Variants in SLC35F4 observed in about 807,000 individuals in gnomAD.
SLC35F4 encodes solute carrier family 35 member F4.
In SLC35F4, 24 loss-of-function variants were observed where a neutral mutation model predicts 44.2. That is an observed-to-expected ratio of 0.54 (90% CI 0.39 to 0.76). The LOEUF (loss-of-function observed/expected upper bound fraction) is 0.76. SLC35F4 is among the 30% of genes least tolerant of loss of function. The pLI, the probability that SLC35F4 is intolerant of heterozygous loss-of-function variation, is 0.00. For synonymous variants in SLC35F4, 238 were observed against 223.6 expected (o/e 1.06, Z -0.57); for missense variants, 562 against 586.1 (o/e 0.96, Z 0.42).
chr14:57,572,738 A>G (rs2068579120), intron 4 of SLC35F4, among the ~76,000 whole-genome samples: 3 of 152,218 alleles, frequency 2.0e-5, no homozygotes, highest in Admixed American at 2.0e-4. Context: ...TCATAATTCA[A>G]CTGAAGTCAT....
At chr14:57,763,696 C>A (rs1317389012) in intron 1 of SLC35F4, among the ~76,000 whole-genome samples, 1 of 152,144 alleles carries the variant, frequency 6.6e-6, no homozygotes, top group Non-Finnish European at 1.5e-5. Context: ...GATGTATAAT[C>A]CTTTAATAGC....
At chr14:57,965,518 G>T (rs1015963281) in intron 1 of SLC35F4, among the ~76,000 whole-genome samples, 2 of 152,124 alleles carry the variant, frequency 1.3e-5, no homozygotes, top group Non-Finnish European at 2.9e-5. Flanking sequence ...ATTTGGACAA[G>T]GACTTCTTTG....
At chr14:57,756,696 C>A (rs996282671) in intron 1 of SLC35F4, among the ~76,000 whole-genome samples, 1 of 152,068 alleles carries the variant, frequency 6.6e-6, no homozygotes, top group African/African-American at 2.4e-5. Context: ...ACTCTGTTGC[C>A]CAGGCTGGAG....
chr14:57,644,993 T>A (rs1440758800), intron 1 of SLC35F4, among the ~76,000 whole-genome samples: 1 of 152,236 alleles, frequency 6.6e-6, no homozygotes, highest in African/African-American at 2.4e-5. Flanking sequence ...TCTGTTGTGG[T>A]ACAAGTACCA....
intron 1 of SLC35F4, among the ~76,000 whole-genome samples, chr14:57,641,057 G>A (rs557786592): frequency 3.3e-5 from 5 of 151,926 alleles, no homozygotes; most frequent in Middle Eastern, 6.8e-3. Context: ...CCACACGAAA[G>A]TGAAAATCAA....
intron 1 of SLC35F4, among the ~76,000 whole-genome samples, chr14:57,660,207 G>A (rs2074094207): frequency 6.6e-6 from 1 of 152,206 alleles, no homozygotes; most frequent in African/African-American, 2.4e-5. Context: ...GATTTGCAAA[G>A]TGTTTTTGGA....
upstream of SLC35F4, chr14:57,982,322 C>T (rs1304704015): frequency 2.0e-5 from 3 of 152,104 alleles, no homozygotes; most frequent in Admixed American, 1.3e-4. Context: ...CTGATGATGC[C>T]GTGTGGCTAA....
At chr14:57,685,925 A>G (rs1252899132) in intron 1 of SLC35F4, among the ~76,000 whole-genome samples, 2 of 152,176 alleles carry the variant, frequency 1.3e-5, no homozygotes, top group Admixed American at 6.5e-5. Context: ...AACCATGTTC[A>G]TTTGAACTAC....
intron 4 of SLC35F4, among the ~76,000 whole-genome samples, chr14:57,575,535 A>G (rs978996686): frequency 3.9e-5 from 6 of 152,150 alleles, no homozygotes; most frequent in African/African-American, 1.4e-4. Context: ...CATTATCTGA[A>G]CCTGGCTTAG....
chr14:57,806,711 T>C (rs968078048), intron 1 of SLC35F4, among the ~76,000 whole-genome samples: 6 of 152,238 alleles, frequency 3.9e-5, no homozygotes, highest in Non-Finnish European at 7.3e-5. Flanking sequence ...GAATGTTTCT[T>C]GGATTTGTTT....
At chr14:57,953,716 A>G (rs1439234542) in intron 1 of SLC35F4, among the ~76,000 whole-genome samples, 1 of 152,252 alleles carries the variant, frequency 6.6e-6, no homozygotes, top group Non-Finnish European at 1.5e-5. Context: ...CAATGCAACA[A>G]GAAGACCTAA....
At chr14:57,853,837 C>T (rs534047539) in intron 1 of SLC35F4, among the ~76,000 whole-genome samples, 1 of 152,188 alleles carries the variant, frequency 6.6e-6, no homozygotes, top group Non-Finnish European at 1.5e-5. Flanking sequence ...TCAGCCTATA[C>T]CATCTTACCC....
chr14:57,934,288 A>C (rs1306299768), intron 1 of SLC35F4, among the ~76,000 whole-genome samples: 2 of 150,472 alleles, frequency 1.3e-5, no homozygotes, highest in African/African-American at 4.9e-5. Flanking sequence ...GATGATGAGA[A>C]TAGTGGAGAG....
intron 1 of SLC35F4, among the ~76,000 whole-genome samples, chr14:57,706,723 A>G (rs1264904330): frequency 2.0e-5 from 3 of 152,200 alleles, no homozygotes; most frequent in Non-Finnish European, 4.4e-5. Flanking sequence ...TGTACCACCA[A>G]GAGATGGGAA....
At chr14:57,713,913 C>T (rs955051386) in intron 1 of SLC35F4, among the ~76,000 whole-genome samples, 17 of 152,240 alleles carry the variant, frequency 1.1e-4, no homozygotes. Context: ...ACCTCCCCCA[C>T]CCCCCATGGG....
intron 1 of SLC35F4, among the ~76,000 whole-genome samples, chr14:57,646,054 T>C (rs1025147896): frequency 5.9e-5 from 9 of 152,230 alleles, no homozygotes; most frequent in Non-Finnish European, 1.2e-4. Context: ...TTTGTACCAA[T>C]GTTCATCAAG....
At chr14:57,754,349 T>A (rs1177381120) in intron 1 of SLC35F4, among the ~76,000 whole-genome samples, 1 of 152,000 alleles carries the variant, frequency 6.6e-6, no homozygotes, top group Non-Finnish European at 1.5e-5. Flanking sequence ...AGGTGATCCA[T>A]CCACCTTGGC....
intron 1 of SLC35F4, among the ~76,000 whole-genome samples, chr14:57,633,029 G>A (rs1293138729): frequency 6.6e-6 from 1 of 152,028 alleles, no homozygotes; most frequent in African/African-American, 2.4e-5. Flanking sequence ...TTAGTAATGT[G>A]CATTTAAGTT....
chr14:57,677,558 G>A lies in SLC35F4; in HGVS notation c.104-83434C>T, dbSNP rs541218659. Among the ~76,000 whole-genome samples the A allele has an allele frequency of 1.2e-4, 19 of 152,026 alleles. No homozygotes were observed. The South Asian group carries it at 1.5e-3, about 12-fold the overall frequency. Reference sequence around the variant, plus strand: ...GCTGTTTGAGTGTTTTTATGACTACGATGTTGAAGAAATAAATGAAAGTCT... The same window carrying A: ...GCTGTTTGAGTGTTTTTATGACTACAATGTTGAAGAAATAAATGAAAGTCT... On this transcript the variant is annotated intron_variant, in intron 1 of 7. Coordinates refer to ENST00000556826, the MANE Select transcript of SLC35F4 (RefSeq NM_001306087.2).
Sources: gnomAD v4.1 joint callset for allele counts (sites outside exome capture counted in the v4.1 genomes callset) on GRCh38, gnomAD v4.1.1 for gene constraint, MANE v1.5 for transcripts, NCBI Gene and HGNC (gene_info 2026-07-23, HGNC 2026-07-21) for gene names.